SLX4IP: variants seen among roughly 807,000 people sequenced by gnomAD.
SLX4IP encodes the protein SLX4 interacting protein.
In SLX4IP, 34 loss-of-function variants were observed where a neutral mutation model predicts 32.9. That is an observed-to-expected ratio of 1.03 (90% CI 0.79 to 1.38). The LOEUF (loss-of-function observed/expected upper bound fraction) is 1.38. Ranked by LOEUF, SLX4IP falls within the 40% of genes most tolerant of loss-of-function variation. The probability of loss-of-function intolerance (pLI) is 0.00; values close to 1 mark genes in which losing one functional copy is unlikely to be tolerated. For synonymous variants in SLX4IP, 172 were observed against 171.7 expected, an observed-to-expected ratio of 1.00 and a Z score of -0.01; for missense variants, 444 against 479.0, an observed-to-expected ratio of 0.93 and a Z score of 0.68.
chr20:10,477,611 T>C (rs1214530889), intron 2 of SLX4IP, among the ~76,000 whole-genome samples: 1 of 152,158 alleles, frequency 6.6e-6, no homozygotes, highest in East Asian at 1.9e-4. Flanking sequence ...CAGATGGACC[T>C]GACTGCTTCT....
intron 2 of SLX4IP, among the ~76,000 whole-genome samples, chr20:10,489,286 C>G (rs1755703161): frequency 6.6e-6 from 1 of 152,124 alleles, no homozygotes; most frequent in African/African-American, 2.4e-5. Context: ...GTACTTGGTG[C>G]TGTCCCAGAG....
At chr20:10,515,453 C>G (rs1343969501) in intron 2 of SLX4IP, among the ~76,000 whole-genome samples, 1 of 152,128 alleles carries the variant, frequency 6.6e-6, no homozygotes, top group East Asian at 1.9e-4. Flanking sequence ...GATATAGTTG[C>G]TTTCCAAAGC....
intron 2 of SLX4IP, among the ~76,000 whole-genome samples, chr20:10,486,972 G>T (rs2065579900): frequency 6.7e-6 from 1 of 150,244 alleles, no homozygotes; most frequent in Non-Finnish European, 1.5e-5. Context: ...AGTGTTGATT[G>T]TTCATTTGAT....
At chr20:10,565,536 C>T (rs1263976041) in intron 4 of SLX4IP, among the ~76,000 whole-genome samples, 1 of 152,106 alleles carries the variant, frequency 6.6e-6, no homozygotes, top group Non-Finnish European at 1.5e-5. Context: ...TTTGAGTCCA[C>T]CACAAGGCAA....
chr20:10,526,592 G>T (rs557761596), intron 2 of SLX4IP, among the ~76,000 whole-genome samples: 1 of 152,242 alleles, frequency 6.6e-6, no homozygotes, highest in African/African-American at 2.4e-5. Flanking sequence ...ATAACAAATT[G>T]CCACAAACCA....
intron 2 of SLX4IP, among the ~76,000 whole-genome samples, chr20:10,530,914 G>A (rs2065983348): frequency 6.6e-6 from 1 of 152,194 alleles, no homozygotes; most frequent in Non-Finnish European, 1.5e-5. Context: ...TTATATACAT[G>A]AGATATTTCT....
At chr20:10,569,110 C>A (rs1424190314) in intron 4 of SLX4IP, among the ~76,000 whole-genome samples, 1 of 151,918 alleles carries the variant, frequency 6.6e-6, no homozygotes, top group South Asian at 2.1e-4. Context: ...AAAATAAGTC[C>A]GTGTACTGAC....
At position 10,623,549 on chromosome 20, in the gene SLX4IP, A is replaced by G. The variant is rs753558583; in HGVS notation, c.*170A>G. On this transcript the variant is annotated 3_prime_UTR_variant, in exon 8 of 8. Coordinates refer to ENST00000334534, the MANE Select transcript of SLX4IP (RefSeq NM_001009608.3). The stretch of plus-strand genomic sequence containing the variant: ...ATGGTTTGTTTTCAAAGCATTTCAA[A>G]CCGGGAGGCTATATGCTTGTTCTAA... 9.5e-5 allele frequency: 93 copies of G among 981,100 alleles called. No homozygotes were observed. The highest frequency in any genetic ancestry group is 1.3e-4 in the Non-Finnish European group (90 of 690,114). 60.8% of individuals were successfully genotyped at this position (981,100 alleles called of 1,614,324 possible). A position where few individuals can be genotyped will look rare whatever the true frequency, so the allele number is the denominator to read the frequency against.
chr20:10,588,474 C>T (rs1970112442), intron 4 of SLX4IP, among the ~76,000 whole-genome samples: 1 of 152,086 alleles, frequency 6.6e-6, no homozygotes, highest in South Asian at 2.1e-4. Flanking sequence ...ACAGAACTAC[C>T]ATATGATCCA....
intron 2 of SLX4IP, 140 bp from the exon 3 acceptor site, chr20:10,556,091 C>T: frequency 1.6e-6 from 1 of 643,098 alleles, no homozygotes; most frequent in Non-Finnish European, 2.6e-6. Flanking sequence ...TAACCATGTT[C>T]TTTATTAAAA....
chr20:10,444,053 A>G (rs1219708588), intron 1 of SLX4IP, among the ~76,000 whole-genome samples: 1 of 152,222 alleles, frequency 6.6e-6, no homozygotes, highest in African/African-American at 2.4e-5. Context: ...GAACAGACTA[A>G]TACAAGCATT....
At chr20:10,463,271 G>A (rs1319165439) in intron 2 of SLX4IP, among the ~76,000 whole-genome samples, 1 of 152,288 alleles carries the variant, frequency 6.6e-6, no homozygotes, top group East Asian at 1.9e-4. Flanking sequence ...CCTGTCCACT[G>A]TGTGGTTGCA....
chr20:10,494,113 T>C (rs1323871283), intron 2 of SLX4IP, among the ~76,000 whole-genome samples: 1 of 151,728 alleles, frequency 6.6e-6, no homozygotes, highest in Non-Finnish European at 1.5e-5. Context: ...TCTGCTTTGC[T>C]TTGACAGTAT....
rs551199318 is a variant in SLX4IP at position 10,446,811 on chromosome 20, T to G, written c.-30+11358T>G. Among the ~76,000 whole-genome samples, 4 of 152,366 alleles carry G rather than the reference T, an allele frequency of 2.6e-5. No homozygotes were observed. The South Asian group carries it at 8.3e-4, about 32-fold the overall frequency. On this transcript the variant is annotated intron_variant, in intron 1 of 7. Transcript: ENST00000334534. The stretch of plus-strand genomic sequence containing the variant: ...TCATTTGCCCATTTTCTGATTGGAC[T>G]GTTGCTTTTTACTATTGAATTTTGA...
Position 10,497,236 on chromosome 20 carries a change from A to G in SLX4IP, c.27+39005A>G, listed in dbSNP as rs868311109. ...TACTTTGCATTGAATCTTGGATGGC[A>G]GTTTATTTTACATGAGTATGAAATT... On this transcript the variant is annotated intron_variant, in intron 2 of 7. Transcript: ENST00000334534. 6.6e-5 allele frequency among the ~76,000 whole-genome samples: 10 copies of G among 152,212 alleles called. No homozygotes were observed. The East Asian group carries it at 1.9e-3, about 29-fold the overall frequency.
At chr20:10,492,081 G>A (rs1052444518) in intron 2 of SLX4IP, among the ~76,000 whole-genome samples, 5 of 152,210 alleles carry the variant, frequency 3.3e-5, no homozygotes, top group Non-Finnish European at 7.3e-5. Flanking sequence ...CTGCTACATA[G>A]TTTTCCTTTT....
chr20:10,436,585 A>C (rs571527196), intron 1 of SLX4IP, among the ~76,000 whole-genome samples: 3 of 152,056 alleles, frequency 2.0e-5, no homozygotes, highest in Non-Finnish European at 4.4e-5. Context: ...CGAACTCCTG[A>C]CCTCAGGTGA....
At chr20:10,572,779 A>G (rs2074546494) in intron 4 of SLX4IP, among the ~76,000 whole-genome samples, 1 of 152,184 alleles carries the variant, frequency 6.6e-6, no homozygotes, top group African/African-American at 2.4e-5. Flanking sequence ...ATCTGTAGCC[A>G]AAGTACCTAG....
At chr20:10,618,737 C>T (rs1282938145) in intron 6 of SLX4IP, among the ~76,000 whole-genome samples, 2 of 152,164 alleles carry the variant, frequency 1.3e-5, no homozygotes, top group Non-Finnish European at 2.9e-5. Context: ...GTAGGGTTGT[C>T]CCGTAAGCCC....
Sources: gnomAD v4.1 joint callset for allele counts (sites outside exome capture counted in the v4.1 genomes callset) on GRCh38, gnomAD v4.1.1 for gene constraint, MANE v1.5 for transcripts, NCBI Gene and HGNC (gene_info 2026-07-23, HGNC 2026-07-21) for gene names.